UTP6: variants seen among roughly 807,000 people sequenced by gnomAD.
UTP6 encodes the protein UTP6 small subunit processome component, also known as U3 small nucleolar RNA-associated protein 6 homolog.
A neutral mutation model predicts 96.5 loss-of-function variants in UTP6; 60 were observed. The observed-to-expected ratio is 0.62, with a 90% CI of 0.51 to 0.77. The LOEUF (loss-of-function observed/expected upper bound fraction) is 0.77. Ranked by LOEUF, UTP6 falls within the 30% of genes least tolerant of loss-of-function variation. UTP6 has a pLI of 0.00. For missense variants in UTP6, 637 were observed against 706.5 expected (o/e 0.90, Z 1.12); for synonymous variants, 215 against 240.1 (o/e 0.90, Z 0.96).
intron 11 of UTP6, among the ~76,000 whole-genome samples, chr17:31,879,577 C>T (rs962263388): frequency 2.6e-5 from 4 of 151,628 alleles, no homozygotes; most frequent in African/African-American, 9.7e-5. Flanking sequence ...GGGGTTGAGG[C>T]GGGAGGATTG....
intron 4 of UTP6, 99 bp downstream of exon 4, chr17:31,894,546 C>T: frequency 1.2e-6 from 1 of 827,154 alleles, no homozygotes; most frequent in Non-Finnish European, 1.9e-6. Flanking sequence ...TATAAAGATA[C>T]CCAAGATAAA....
Position 31,901,631 on chromosome 17 carries a change from G to A in UTP6, c.-4C>T, listed in dbSNP as rs1904987198. On this transcript the variant is annotated 5_prime_UTR_variant, in exon 1 of 19. Transcript: ENST00000261708. ...GTTCCTGAATTATCTCTGCCATGAG[G>A]TCCGAGGTCTACAACCCCGCGGGTA... 6.2e-7 allele frequency: 1 copy of A among 1,613,380 alleles called. No homozygotes were observed. The highest frequency in any genetic ancestry group is 8.5e-7 in the Non-Finnish European group (1 of 1,179,988).
chr17:31,883,330 T>TC (rs1369599843), intron 10 of UTP6, among the ~76,000 whole-genome samples: 1 of 151,618 alleles, frequency 6.6e-6, no homozygotes, highest in African/African-American at 2.4e-5. Context: ...TTTTTTTTTT[T>TC]TTGAGATGGA....
intron 17 of UTP6, among the ~76,000 whole-genome samples, 175 bp from the exon 18 acceptor site, chr17:31,865,613 G>A (rs1220591477): frequency 6.6e-6 from 1 of 152,222 alleles, no homozygotes; most frequent in Non-Finnish European, 1.5e-5. Flanking sequence ...TCAACAGAGT[G>A]AAGTACATAT....
At position 31,892,729 on chromosome 17, in the gene UTP6, A is replaced by T. The variant is rs1256073116; in HGVS notation, c.360+18T>A. 1 of 1,613,996 alleles carries T rather than the reference A, an allele frequency of 6.2e-7. No homozygotes were observed. The highest frequency in any genetic ancestry group is 1.3e-5 in the African/African-American group (1 of 74,938). ...AAAAGACGGTCAGAGGAAGCAAGACATGCATGGCTTTACTCACCCACTTCT... is the reference window on the plus strand; with the variant it reads ...AAAAGACGGTCAGAGGAAGCAAGACTTGCATGGCTTTACTCACCCACTTCT... On this transcript the variant is annotated intron_variant, in intron 5 of 18. Coordinates refer to ENST00000261708, the MANE Select transcript of UTP6 (RefSeq NM_018428.3).
chr17:31,865,499 A>G (rs1909762602), intron 17 of UTP6, 61 bp from the exon 18 acceptor site: 1 of 1,520,270 alleles, frequency 6.6e-7, no homozygotes, highest in East Asian at 2.3e-5. Flanking sequence ...AATTCATTCC[A>G]ACCATATTGT....
In UTP6 at chr17:31,892,893, T is replaced by G; in HGVS notation, c.313-99A>C. ...TTGCTAAAAACAAGCAAATTTCAGGTTGGATGCGGTGGCTCACACCTGTAA... is the reference window on the plus strand; with the variant it reads ...TTGCTAAAAACAAGCAAATTTCAGGGTGGATGCGGTGGCTCACACCTGTAA... On this transcript the variant is annotated intron_variant, in intron 4 of 18. Transcript: ENST00000261708. The G allele has an allele frequency of 2.1e-6, 3 of 1,416,002 alleles. No individual in the cohort carries two copies. The South Asian group carries it at 3.7e-5, about 17-fold the overall frequency. 87.7% of individuals were successfully genotyped at this position (1,416,002 alleles called of 1,614,324 possible). A position where few individuals can be genotyped will look rare whatever the true frequency, so the allele number is the denominator to read the frequency against.
At chr17:31,878,805 T>G in intron 11 of UTP6, 24 bp from the exon 12 acceptor site, 1 of 1,607,072 alleles carries the variant, frequency 6.2e-7, no homozygotes, top group Non-Finnish European at 8.5e-7. Flanking sequence ...AAAGATTGTG[T>G]TGATCAGATC....
intron 9 of UTP6, 29 bp downstream of exon 9, chr17:31,885,951 A>G (rs894727686): frequency 2.5e-6 from 4 of 1,582,170 alleles, no homozygotes; most frequent in Non-Finnish European, 8.6e-7. Flanking sequence ...TCACTTTCCT[A>G]CCAAAAATAA....
intron 10 of UTP6, among the ~76,000 whole-genome samples, chr17:31,882,513 G>A (rs1186387828): frequency 1.3e-5 from 2 of 151,694 alleles, no homozygotes; most frequent in Non-Finnish European, 2.9e-5. Context: ...TAGAGACGGG[G>A]TTTCACCATG....
intron 2 of UTP6, among the ~76,000 whole-genome samples, chr17:31,896,031 AG>A (rs1260238873): frequency 6.6e-6 from 1 of 150,518 alleles, no homozygotes; most frequent in East Asian, 2.0e-4. Context: ...AAAAAAAAAA[AG>A]TTTGCTCTTA....
chr17:31,884,492 G>A lies in UTP6; in HGVS notation c.717C>T (p.His239=), dbSNP rs770128832. 4.8e-5 allele frequency: 77 copies of A among 1,610,954 alleles called. No homozygotes were observed. The highest frequency in any genetic ancestry group is 4.7e-4 in the South Asian group (42 of 90,068). ...GCTGTGCAATCGAAAGCAGTGACAC[G>A]TGAAATTCTGCACCTAAATTTAAAA... ...SVSIIKGAEF[H]VSLLSIAQLF... The change falls in exon 10 of 19, where the codon CAC becomes CAT. Residue 239 remains histidine, a synonymous_variant. Transcript: ENST00000261708.
intron 6 of UTP6, among the ~76,000 whole-genome samples, chr17:31,891,379 G>C (rs1911481364): frequency 6.6e-6 from 1 of 152,196 alleles, no homozygotes; most frequent in Non-Finnish European, 1.5e-5. Context: ...CCTCCATTCT[G>C]CTAAGAGCAT....
At chr17:31,880,830 G>A in intron 10 of UTP6, 76 bp from the exon 11 acceptor site, 3 of 1,575,522 alleles carry the variant, frequency 1.9e-6, no homozygotes, top group Non-Finnish European at 2.6e-6. Flanking sequence ...AGTTACCTGT[G>A]CTTAAAAAAT....
chr17:31,881,006 T>C (rs1005618213), intron 10 of UTP6, among the ~76,000 whole-genome samples: 3 of 151,872 alleles, frequency 2.0e-5, no homozygotes, highest in Non-Finnish European at 2.9e-5. Context: ...TGAAACCCCA[T>C]CTCTACTAAA....
chr17:31,875,483 A>G (rs535875503), intron 13 of UTP6, 70 bp from the exon 14 acceptor site: 1 of 1,525,778 alleles, frequency 6.6e-7, no homozygotes, highest in Admixed American at 2.1e-5. Flanking sequence ...ATGTAAACCT[A>G]TGCCTCATTT....
intron 10 of UTP6, among the ~76,000 whole-genome samples, chr17:31,881,265 CACTTTTTT>C (rs1429225709): frequency 2.0e-5 from 3 of 146,992 alleles, no homozygotes; most frequent in Admixed American, 6.8e-5. Flanking sequence ...CCCACTTTTT[CACTTTTTT>C]TTTTTTTTTT....
rs750165197 is a variant in UTP6 at position 31,863,435 on chromosome 17, G to C, written c.1718C>G (p.Ala573Gly). Residue 573 changes from alanine to glycine, a missense_variant, in exon 19 of 19, where the codon GCG becomes GGG. Transcript: ENST00000261708. ...PENCGQIYWR[A>G]MKMLQGESAE... ...TGACTCTCCCTGCAACATTTTCATC[G>C]CTCGCCAGTAGATCTGTCCACAGTT... The C allele has an allele frequency of 6.2e-7, 1 of 1,613,802 alleles. No homozygotes were observed. Among genetic ancestry groups the C allele is most frequent in the Non-Finnish European group, 8.5e-7 (1 of 1,179,976 alleles).
chr17:31,872,689 AAAC>A (rs1423352880), intron 16 of UTP6, among the ~76,000 whole-genome samples: 3 of 152,088 alleles, frequency 2.0e-5, no homozygotes, highest in African/African-American at 7.2e-5. Context: ...AAAGAAAAGG[AAAC>A]ATTACTTTTT....
Sources: allele counts gnomAD v4.1 joint callset (sites outside exome capture counted in the v4.1 genomes callset), GRCh38; gene constraint gnomAD v4.1.1; transcripts MANE v1.5; gene names NCBI Gene and HGNC (gene_info 2026-07-23, HGNC 2026-07-21).